Variants in TFAP2E observed in about 807,000 individuals in gnomAD.
The protein encoded by TFAP2E is transcription factor AP-2-epsilon.
A neutral mutation model predicts 37.9 loss-of-function variants in TFAP2E; 30 were observed. The ratio of observed to expected loss-of-function variants is 0.79; its 90% CI spans 0.59 to 1.07. The LOEUF (loss-of-function observed/expected upper bound fraction) is 1.07. Among genes scored for constraint, TFAP2E ranks in the 50% least tolerant of loss-of-function variants. The pLI, the probability that TFAP2E is intolerant of heterozygous loss-of-function variation, is 0.00. For synonymous variants in TFAP2E, 318 were observed against 295.8 expected, an observed-to-expected ratio of 1.08 and a Z score of -0.77; for missense variants, 567 against 637.9, an observed-to-expected ratio of 0.89 and a Z score of 1.20.
Position 35,573,375 on chromosome 1 carries a change from C to T in TFAP2E, c.-203C>T. On this transcript the variant is annotated 5_prime_UTR_variant, in exon 1 of 7. Coordinates refer to ENST00000373235, the MANE Select transcript of TFAP2E (RefSeq NM_178548.4). This position sits in a 1 kb window ranked among gnomAD's most constrained non-coding sequence, Gnocchi z 5.9. ...GACTTTTCCAAGTGCGATCAGTGCCCGTCCGTCCTGCCTCCATGGACCCGC... is the reference window on the plus strand; with the variant it reads ...GACTTTTCCAAGTGCGATCAGTGCCTGTCCGTCCTGCCTCCATGGACCCGC... The T allele has an allele frequency of 1.8e-6, 1 of 550,640 alleles. No individual in the cohort carries two copies. The highest frequency in any genetic ancestry group is 2.9e-6 in the Non-Finnish European group (1 of 340,140). 34.1% of individuals were successfully genotyped at this position (550,640 alleles called of 1,614,324 possible).
chr1:35,590,141 T>G lies in TFAP2E; in HGVS notation c.904+93T>G. 6.1e-6 allele frequency: 7 copies of G among 1,149,900 alleles called. No homozygotes were observed. The highest frequency in any genetic ancestry group is 9.1e-6 in the Non-Finnish European group (7 of 766,794). 71.2% of individuals were successfully genotyped at this position (1,149,900 alleles called of 1,614,324 possible). A position where few individuals can be genotyped will look rare whatever the true frequency, so the allele number is the denominator to read the frequency against. The stretch of plus-strand genomic sequence containing the variant: ...CTCTAATGCAGGAGGGTGTGTTTAG[T>G]GGTGTGTGTGTATCCGTGTAAGTGT... On this transcript the variant is annotated intron_variant, in intron 5 of 6. Transcript: ENST00000373235. This position sits in a 1 kb window ranked among gnomAD's most constrained non-coding sequence, Gnocchi z 6.2.
Position 35,590,696 on chromosome 1 carries a change from G to A in TFAP2E, c.967G>A (p.Ala323Thr), listed in dbSNP as rs1391033768. 1.5e-5 allele frequency: 24 copies of A among 1,556,830 alleles called. No individual in the cohort carries two copies. Among genetic ancestry groups the A allele is most frequent in the Non-Finnish European group, 2.1e-5 (24 of 1,142,088 alleles). Reference protein sequence around the residue: ...YVCETEFPAKAAAEYLCRQHA... With the variant: ...YVCETEFPAKTAAEYLCRQHA... ...CTGTGAGACGGAGTTCCCAGCCAAGGCAGCTGCCGAGTACCTGTGCCGACA... is the reference window on the plus strand; with the variant it reads ...CTGTGAGACGGAGTTCCCAGCCAAGACAGCTGCCGAGTACCTGTGCCGACA... The change falls in exon 6 of 7, where the codon GCA (alanine) becomes ACA (threonine). Residue 323 changes from alanine (A) to threonine (T), a missense_variant. Physicochemically the swap from Ala to Thr is moderately conservative, Grantham distance 58. Transcript: ENST00000373235. The surrounding 1 kb of genome is among the most constrained non-coding windows in gnomAD (Gnocchi z 6.2).
Position 35,573,457 on chromosome 1 carries a change from C to T in TFAP2E, c.-121C>T, listed in dbSNP as rs181193900. 4.6e-6 allele frequency: 6 copies of T among 1,312,448 alleles called. No homozygotes were observed. In the African/African-American group the frequency reaches 6.3e-5, roughly 14 times the overall value. 81.3% of individuals were successfully genotyped at this position (1,312,448 alleles called of 1,614,324 possible). On this transcript the variant is annotated 5_prime_UTR_variant, in exon 1 of 7. Transcript: ENST00000373235. This position sits in a 1 kb window ranked among gnomAD's most constrained non-coding sequence, Gnocchi z 5.9. Reference sequence around the variant, plus strand: ...CCACTAGGATCCCGGCTGGGTCGCACCCAGCTACCGCACCGTGACCTCCGC... The same window carrying T: ...CCACTAGGATCCCGGCTGGGTCGCATCCAGCTACCGCACCGTGACCTCCGC...
Position 35,573,611 on chromosome 1 carries a change from A to G in TFAP2E, c.27+7A>G. On this transcript the variant is annotated splice_region_variant and intron_variant, in intron 1 of 6. Coordinates refer to ENST00000373235, the MANE Select transcript of TFAP2E (RefSeq NM_178548.4). The surrounding 1 kb of genome is among the most constrained non-coding windows in gnomAD (Gnocchi z 5.9). ...GCACACCTACTCCGCCATGGTGAGT[A>G]GTCTCGGGCCCGGGACATATTCGGC... The G allele has an allele frequency of 1.9e-6, 3 of 1,539,288 alleles. No individual in the cohort carries two copies. The highest frequency in any genetic ancestry group is 1.7e-6 in the Non-Finnish European group (2 of 1,143,004).
chr1:35,588,456 C>T lies in TFAP2E; in HGVS notation c.689C>T (p.Ser230Leu). The change falls in exon 4 of 7, where the codon TCA (serine) becomes TTA (leucine). Residue 230 changes from serine (S) to leucine (L), a missense_variant. By Grantham distance (145) the Ser-to-Leu change is moderately radical. Transcript: ENST00000373235. This position sits in a 1 kb window ranked among gnomAD's most constrained non-coding sequence, Gnocchi z 5.1. ...SVPGRLSLLS[S>L]TSKYKVTVGE... The stretch of plus-strand genomic sequence containing the variant: ...CCCGGCCGGCTTTCACTGCTCAGCT[C>T]AACGTCCAAGTACAAGGTGACGGTG... 6.2e-7 allele frequency: 1 copy of T among 1,610,998 alleles called. No homozygotes were observed. Among genetic ancestry groups the T allele is most frequent in the Non-Finnish European group, 8.5e-7 (1 of 1,179,886 alleles).
intron 3 of TFAP2E, among the ~76,000 whole-genome samples, chr1:35,581,219 A>T (rs906558606): frequency 3.3e-5 from 5 of 152,182 alleles, no homozygotes; most frequent in African/African-American, 1.2e-4. Context: ...AAAGAAACAA[A>T]CTATTATCAG....
At position 35,588,508 on chromosome 1, in the gene TFAP2E, TC is replaced by T; in HGVS notation, c.744del (p.Glu249SerfsTer28). On this transcript the variant is annotated frameshift_variant, in exon 4 of 7. Coordinates refer to ENST00000373235, the MANE Select transcript of TFAP2E (RefSeq NM_178548.4). LOFTEE classifies it high-confidence loss of function. The surrounding 1 kb of genome is among the most constrained non-coding windows in gnomAD (Gnocchi z 5.1). Reference protein sequence around the residue: ...VGEVQRRLSPPECLNASLLGG... With the variant: ...VGEVQRRLSPXECLNASLLGG... ...GGGAGGTGCAGCGGCGACTCTCGCC[TC>T]CCGAGTGCCTCAACGCCTCCCTCCT... 6.2e-7 allele frequency: 1 copy of T among 1,605,560 alleles called. No homozygotes were observed. Among genetic ancestry groups the T allele is most frequent in the South Asian group, 1.1e-5 (1 of 90,836 alleles).
intron 3 of TFAP2E, among the ~76,000 whole-genome samples, chr1:35,578,054 C>G (rs1312813528): frequency 6.6e-6 from 1 of 152,060 alleles, no homozygotes; most frequent in Admixed American, 6.5e-5. Context: ...AGAGGAGGCG[C>G]GGAGAGTGCC....
intron 3 of TFAP2E, among the ~76,000 whole-genome samples, chr1:35,578,057 A>G (rs549090465): frequency 1.3e-5 from 2 of 152,242 alleles, no homozygotes; most frequent in African/African-American, 4.8e-5. Flanking sequence ...GGAGGCGCGG[A>G]GAGTGCCCGA....
At chr1:35,574,465 T>C in intron 2 of TFAP2E, 56 bp downstream of exon 2, 1 of 1,356,898 alleles carries the variant, frequency 7.4e-7, no homozygotes, top group Non-Finnish European at 9.5e-7. Flanking sequence ...TTTACTACCA[T>C]GGCTGGAGGC....
chr1:35,579,841 G>A (rs1201800198), intron 3 of TFAP2E, among the ~76,000 whole-genome samples: 1 of 152,192 alleles, frequency 6.6e-6, no homozygotes, highest in African/African-American at 2.4e-5. Context: ...ATGGAGTTTG[G>A]ACTTTACCTG....
At chr1:35,593,754 C>A (rs907849045) in intron 6 of TFAP2E, among the ~76,000 whole-genome samples, 1 of 152,182 alleles carries the variant, frequency 6.6e-6, no homozygotes, top group African/African-American at 2.4e-5. Context: ...ATGAGTGATT[C>A]TCTTGCCTGA....
Position 35,573,806 on chromosome 1 carries a change from C to T in TFAP2E, c.28-121C>T. On this transcript the variant is annotated intron_variant, in intron 1 of 6. Coordinates refer to ENST00000373235, the MANE Select transcript of TFAP2E (RefSeq NM_178548.4). This position sits in a 1 kb window ranked among gnomAD's most constrained non-coding sequence, Gnocchi z 5.9. ...GCCCGCGGGTGGCTCGGAAATAAAC[C>T]TCGGGCCCCAAGAAACGGGAGGGAC... 1 of 1,377,770 alleles carries T rather than the reference C, an allele frequency of 7.3e-7. No homozygotes were observed. The highest frequency in any genetic ancestry group is 1.5e-5 in the African/African-American group (1 of 65,478). 85.3% of individuals were successfully genotyped at this position (1,377,770 alleles called of 1,614,324 possible).
intron 2 of TFAP2E, 52 bp from the exon 3 acceptor site, chr1:35,574,897 A>G (rs528377618): frequency 2.1e-5 from 34 of 1,612,890 alleles, no homozygotes; most frequent in Admixed American, 3.3e-5. Flanking sequence ...TTGGGAAGAC[A>G]TGGGCGGCTA....
chr1:35,574,263 C>A lies in TFAP2E; in HGVS notation c.364C>A (p.Arg122Ser), dbSNP rs563360979. ...EPPGLLAPPA[R>S]ALGLDPRRDY... ...TCCCGGCCTGCTGGCACCGCCCGCC[C>A]GCGCCCTGGGCCTTGACCCGCGCCG... Residue 122 changes from arginine to serine, a missense_variant, in exon 2 of 7, where the codon CGC becomes AGC. By Grantham distance (110) the Arg-to-Ser change is moderately radical. Transcript: ENST00000373235. 2 of 1,362,078 alleles carry A rather than the reference C, an allele frequency of 1.5e-6. No homozygotes were observed. Among genetic ancestry groups the A allele is most frequent in the East Asian group, 4.0e-5 (1 of 25,208 alleles). 84.4% of individuals were successfully genotyped at this position (1,362,078 alleles called of 1,614,324 possible). A position where few individuals can be genotyped will look rare whatever the true frequency, so the allele number is the denominator to read the frequency against.
chr1:35,578,718 AAGC>A (rs1649255908), intron 3 of TFAP2E, among the ~76,000 whole-genome samples: 3 of 152,134 alleles, frequency 2.0e-5, no homozygotes. Context: ...GACAATCTCT[AAGC>A]AGCCAGGACA....
At chr1:35,585,036 G>C (rs1027846169) in intron 3 of TFAP2E, among the ~76,000 whole-genome samples, 2 of 152,144 alleles carry the variant, frequency 1.3e-5, no homozygotes, top group Non-Finnish European at 2.9e-5. Flanking sequence ...GGAAGGTTCA[G>C]TGCGGTAAGG....
chr1:35,582,084 C>T (rs1649366362), intron 3 of TFAP2E, among the ~76,000 whole-genome samples: 1 of 152,034 alleles, frequency 6.6e-6, no homozygotes, highest in Non-Finnish European at 1.5e-5. Flanking sequence ...CCACGTTGGA[C>T]AGGCTGGCTG....
intron 3 of TFAP2E, among the ~76,000 whole-genome samples, chr1:35,582,498 T>C (rs186108579): frequency 2.6e-5 from 4 of 151,622 alleles, no homozygotes; most frequent in African/African-American, 9.7e-5. Context: ...TTTGCATTTT[T>C]AAAAATTATC....
Sources: gnomAD v4.1 joint callset for allele counts (sites outside exome capture counted in the v4.1 genomes callset) on GRCh38, gnomAD v4.1.1 for gene constraint, Gnocchi (gnomAD v3.1) non-coding constraint, MANE v1.5 for transcripts, NCBI Gene and HGNC (gene_info 2026-07-23, HGNC 2026-07-21) for gene names.